The following SCFD2 variants were observed in gnomAD, a reference collection of about 807,000 sequenced individuals.
The protein encoded by SCFD2 is sec1 family domain-containing protein 2.
In SCFD2, 54 loss-of-function variants were observed where a neutral mutation model predicts 58.9. The observed-to-expected ratio is 0.92, with a 90% CI of 0.74 to 1.15. The LOEUF (loss-of-function observed/expected upper bound fraction) is 1.15, where lower values mean the gene tolerates loss of function less well. SCFD2 is among the 50% of genes most tolerant of loss of function. The pLI is 0.00. For synonymous variants in SCFD2, 321 were observed against 335.9 expected (o/e 0.96, Z 0.49); for missense variants, 805 against 836.6 (o/e 0.96, Z 0.47).
At chr4:53,277,778 C>T (rs769131644) in intron 3 of SCFD2, among the ~76,000 whole-genome samples, 8 of 152,224 alleles carry the variant, frequency 5.3e-5, no homozygotes, top group Non-Finnish European at 1.0e-4. Flanking sequence ...CCAGGCTCGG[C>T]GCGGTGGCTC....
At chr4:53,222,469 G>T (rs919676670) in intron 4 of SCFD2, among the ~76,000 whole-genome samples, 3 of 152,150 alleles carry the variant, frequency 2.0e-5, no homozygotes, top group Non-Finnish European at 2.9e-5. Flanking sequence ...AAAACATTAA[G>T]TGATAAATAT....
chr4:53,050,963 C>G (rs1723174326), intron 5 of SCFD2, among the ~76,000 whole-genome samples: 1 of 152,170 alleles, frequency 6.6e-6, no homozygotes, highest in Admixed American at 6.6e-5. Flanking sequence ...GGTCAGATCT[C>G]CTGGTAGGCG....
At chr4:53,212,833 C>T (rs1728664365) in intron 4 of SCFD2, among the ~76,000 whole-genome samples, 1 of 151,520 alleles carries the variant, frequency 6.6e-6, no homozygotes, top group Admixed American at 6.6e-5. Context: ...TGAACCTTAA[C>T]TCATCACAAT....
chr4:53,126,490 AT>A (rs1725632612), intron 5 of SCFD2, among the ~76,000 whole-genome samples: 1 of 152,044 alleles, frequency 6.6e-6, no homozygotes, highest in Non-Finnish European at 1.5e-5. Flanking sequence ...TAATTTTTGT[AT>A]TTTTAGTAGA....
At chr4:52,878,362 T>C (rs1718530246) in intron 8 of SCFD2, among the ~76,000 whole-genome samples, 1 of 152,274 alleles carries the variant, frequency 6.6e-6, no homozygotes, top group Admixed American at 6.5e-5. Flanking sequence ...TAAATGTGTT[T>C]CCTCTCCATT....
chr4:53,072,865 T>C (rs1025357526), intron 5 of SCFD2, among the ~76,000 whole-genome samples: 1 of 152,118 alleles, frequency 6.6e-6, no homozygotes, highest in Non-Finnish European at 1.5e-5. Context: ...CCTAGTTTTC[T>C]GTGGCCACAA....
At chr4:52,967,140 T>A (rs561244112) in intron 5 of SCFD2, among the ~76,000 whole-genome samples, 3 of 152,352 alleles carry the variant, frequency 2.0e-5, no homozygotes, top group African/African-American at 7.2e-5. Context: ...GTTAGCATAA[T>A]GTCTTCTAGG....
At chr4:53,177,249 CAG>C (rs1727365941) in intron 4 of SCFD2, among the ~76,000 whole-genome samples, 2 of 152,072 alleles carry the variant, frequency 1.3e-5, no homozygotes, top group Non-Finnish European at 2.9e-5. Context: ...AATGATAAAA[CAG>C]AGAGTTAGTT....
At chr4:53,046,539 A>AT (rs112841080) in intron 5 of SCFD2, among the ~76,000 whole-genome samples, 4,835 of 147,192 alleles carry the variant, frequency 0.033, 243 homozygotes, top group African/African-American at 0.11. Flanking sequence ...AAGAGCACAG[A>AT]TTTTTTTTTT....
intron 5 of SCFD2, among the ~76,000 whole-genome samples, chr4:53,063,864 G>C (rs1241451114): frequency 6.6e-6 from 1 of 152,090 alleles, no homozygotes; most frequent in East Asian, 1.9e-4. Context: ...CACTGGCAGA[G>C]TCTATGCTTA....
intron 5 of SCFD2, among the ~76,000 whole-genome samples, chr4:52,988,535 G>C (rs1396189356): frequency 6.6e-6 from 1 of 152,080 alleles, no homozygotes; most frequent in African/African-American, 2.4e-5. Flanking sequence ...CTGATTCTTA[G>C]GTTTTCGAAT....
At chr4:53,140,760 A>C (rs183241934) in intron 5 of SCFD2, among the ~76,000 whole-genome samples, 76 of 152,350 alleles carry the variant, frequency 5.0e-4, no homozygotes, top group Non-Finnish European at 7.2e-4. Context: ...ACAGAATATA[A>C]TACATGAAAT....
At chr4:52,915,583 TCATCCATC>T in intron 6 of SCFD2, among the ~76,000 whole-genome samples, 1 of 152,284 alleles carries the variant, frequency 6.6e-6, no homozygotes, top group East Asian at 1.9e-4. Context: ...GTCTGTCTGT[TCATCCATC>T]CATCCATCCA....
chr4:53,081,675 T>A lies in SCFD2; in HGVS notation c.1561+63658A>T, dbSNP rs374981645. 1.6e-4 allele frequency among the ~76,000 whole-genome samples: 24 copies of A among 152,318 alleles called. No individual in the cohort carries two copies. In the East Asian group the frequency reaches 4.0e-3, roughly 26 times the overall value. On this transcript the variant is annotated intron_variant, in intron 5 of 8. Coordinates refer to ENST00000401642, the MANE Select transcript of SCFD2 (RefSeq NM_152540.4). ...GTGTTGATTCTTAAAAATTGACACA[T>A]AATTCACATATCATAAAATTTATTA...
intron 5 of SCFD2, among the ~76,000 whole-genome samples, chr4:52,997,111 C>T (rs1478965809): frequency 1.3e-5 from 2 of 152,200 alleles, no homozygotes; most frequent in African/African-American, 4.8e-5. Context: ...GTAACCATGA[C>T]CTTATTCCCC....
At chr4:53,089,665 T>G (rs980594392) in intron 5 of SCFD2, among the ~76,000 whole-genome samples, 1 of 152,144 alleles carries the variant, frequency 6.6e-6, no homozygotes, top group Non-Finnish European at 1.5e-5. Context: ...TAACAAAAGA[T>G]TTTTTTCTAT....
At chr4:53,323,530 A>ATTTTTTT (rs1201482656) in intron 2 of SCFD2, among the ~76,000 whole-genome samples, 18 of 106,762 alleles carry the variant, frequency 1.7e-4, no homozygotes, top group South Asian at 1.2e-3. Context: ...TGCCCAGCTA[A>ATTTTTTT]TTTTTTTTTT....
At chr4:53,066,207 A>G (rs1723657842) in intron 5 of SCFD2, among the ~76,000 whole-genome samples, 1 of 152,120 alleles carries the variant, frequency 6.6e-6, no homozygotes, top group Admixed American at 6.6e-5. Flanking sequence ...TCAAAAAGTT[A>G]CAAAGAAAAC....
intron 5 of SCFD2, among the ~76,000 whole-genome samples, chr4:53,075,133 T>G (rs1723934448): frequency 6.6e-6 from 1 of 152,208 alleles, no homozygotes; most frequent in Non-Finnish European, 1.5e-5. Context: ...CAACAGTATT[T>G]TCTGTTTCAC....
Sources: allele counts gnomAD v4.1 joint callset (sites outside exome capture counted in the v4.1 genomes callset), GRCh38; gene constraint gnomAD v4.1.1; transcripts MANE v1.5; gene names NCBI Gene and HGNC (gene_info 2026-07-23, HGNC 2026-07-21).